LRMDA: variants seen among roughly 807,000 people sequenced by gnomAD.
LRMDA encodes leucine-rich melanocyte differentiation-associated protein.
LRMDA carries 18 observed loss-of-function variants against 29.8 expected under a neutral mutation model. The observed-to-expected ratio is 0.60, with a 90% CI of 0.42 to 0.90. LRMDA has a LOEUF of 0.90. Among genes scored for constraint, LRMDA ranks in the 40% least tolerant of loss-of-function variants. LRMDA has a pLI of 0.00. For synonymous variants in LRMDA, 125 were observed against 109.4 expected (o/e 1.14, Z -0.89); for missense variants, 273 against 273.9 (o/e 1.00, Z 0.02).
intron 2 of LRMDA, among the ~76,000 whole-genome samples, chr10:75,709,556 T>A (rs1381273130): frequency 1.3e-5 from 2 of 152,142 alleles, no homozygotes; most frequent in African/African-American, 4.8e-5. Context: ...TATAAGCCAT[T>A]GGCAGGTGAG....
intron 5 of LRMDA, among the ~76,000 whole-genome samples, chr10:76,179,346 G>T (rs1402289084): frequency 6.6e-6 from 1 of 151,810 alleles, no homozygotes; most frequent in African/African-American, 2.4e-5. Flanking sequence ...CATGTAGCTG[G>T]CCTAATTCTC....
chr10:75,868,486 T>G (rs1425963648), intron 2 of LRMDA, among the ~76,000 whole-genome samples: 2 of 152,176 alleles, frequency 1.3e-5, no homozygotes, highest in Non-Finnish European at 2.9e-5. Context: ...ATGTAAGGCT[T>G]TGGGATTATT....
intron 5 of LRMDA, among the ~76,000 whole-genome samples, chr10:76,143,785 G>A (rs1374698300): frequency 2.0e-5 from 3 of 152,154 alleles, no homozygotes; most frequent in African/African-American, 7.2e-5. Flanking sequence ...TGTCCTGAAT[G>A]GTATTGCCTA....
At chr10:76,050,052 A>C (rs1375060933) in intron 4 of LRMDA, among the ~76,000 whole-genome samples, 2 of 152,222 alleles carry the variant, frequency 1.3e-5, no homozygotes, top group African/African-American at 4.8e-5. Flanking sequence ...AAAAATTCTT[A>C]TTGATTGGCA....
intron 2 of LRMDA, among the ~76,000 whole-genome samples, chr10:75,954,057 G>A (rs539195122): frequency 9.2e-5 from 14 of 152,286 alleles, no homozygotes; most frequent in African/African-American, 2.9e-4. Flanking sequence ...GAGAAGGATC[G>A]GGCAGCTCCT....
intron 2 of LRMDA, among the ~76,000 whole-genome samples, chr10:75,624,170 T>G (rs1242930208): frequency 6.6e-6 from 1 of 152,178 alleles, no homozygotes; most frequent in East Asian, 1.9e-4. Context: ...CAATAACATA[T>G]TATTGGCTCT....
At chr10:76,078,810 G>A (rs1345323726) in intron 5 of LRMDA, among the ~76,000 whole-genome samples, 1 of 152,142 alleles carries the variant, frequency 6.6e-6, no homozygotes, top group African/African-American at 2.4e-5. Context: ...ACTCCAGCCT[G>A]GGCGACAGAG....
intron 2 of LRMDA, among the ~76,000 whole-genome samples, chr10:75,926,018 T>C (rs963532747): frequency 1.3e-5 from 2 of 152,050 alleles, no homozygotes; most frequent in African/African-American, 4.8e-5. Context: ...CCCAGAGAGG[T>C]TAAGTAACTT....
At chr10:76,143,393 G>A (rs1850244703) in intron 5 of LRMDA, among the ~76,000 whole-genome samples, 1 of 152,142 alleles carries the variant, frequency 6.6e-6, no homozygotes, top group Non-Finnish European at 1.5e-5. Context: ...TCTAACTGGT[G>A]TGAGATGATA....
At chr10:76,215,925 C>T (rs1014062651) in intron 5 of LRMDA, among the ~76,000 whole-genome samples, 1 of 152,172 alleles carries the variant, frequency 6.6e-6, no homozygotes, top group Non-Finnish European at 1.5e-5. Context: ...AACAATATGA[C>T]TTGCATAAAT....
intron 2 of LRMDA, among the ~76,000 whole-genome samples, chr10:75,494,846 T>G (rs1845026860): frequency 6.6e-6 from 1 of 152,158 alleles, no homozygotes; most frequent in African/African-American, 2.4e-5. Context: ...GCTGACAGCC[T>G]AGGGCTGATA....
At chr10:76,492,580 C>T (rs962318521) in intron 6 of LRMDA, among the ~76,000 whole-genome samples, 5 of 152,050 alleles carry the variant, frequency 3.3e-5, no homozygotes, top group South Asian at 2.1e-4. Context: ...GCCATCAAAA[C>T]TGGGACTCTG....
chr10:75,564,028 G>A (rs1260564119), intron 2 of LRMDA, among the ~76,000 whole-genome samples: 1 of 152,192 alleles, frequency 6.6e-6, no homozygotes, highest in Non-Finnish European at 1.5e-5. Context: ...CAGATCTCCA[G>A]CTGCGTGCTG....
chr10:76,343,160 A>G (rs80351985), intron 6 of LRMDA, among the ~76,000 whole-genome samples: 16 of 152,322 alleles, frequency 1.1e-4, no homozygotes, highest in East Asian at 7.7e-4. Context: ...GCTGATCCCA[A>G]TGCTATTTAA....
At chr10:75,604,496 C>T (rs76202908) in intron 2 of LRMDA, among the ~76,000 whole-genome samples, 2,593 of 152,262 alleles carry the variant, frequency 0.017, 60 homozygotes, top group African/African-American at 0.059. Context: ...CTAAGAGTTC[C>T]CGGCAACTGT....
At chr10:75,505,479 A>G (rs1391405251) in intron 2 of LRMDA, among the ~76,000 whole-genome samples, 1 of 152,194 alleles carries the variant, frequency 6.6e-6, no homozygotes, top group Non-Finnish European at 1.5e-5. Context: ...GTCACTAAAC[A>G]GAAAACGTGG....
chr10:75,654,099 G>T (rs4498922), intron 2 of LRMDA, among the ~76,000 whole-genome samples: 3 of 151,970 alleles, frequency 2.0e-5, no homozygotes, highest in Non-Finnish European at 2.9e-5. Context: ...GCGGAGGGAT[G>T]GGCTAATGTG....
chr10:76,082,847 A>G (rs1392345558), intron 5 of LRMDA, among the ~76,000 whole-genome samples: 4 of 152,152 alleles, frequency 2.6e-5, no homozygotes, highest in African/African-American at 9.7e-5. Context: ...TCCCGATGAA[A>G]TTCTTGCATA....
intron 6 of LRMDA, among the ~76,000 whole-genome samples, chr10:76,366,680 T>G (rs997009864): frequency 2.0e-5 from 3 of 152,118 alleles, no homozygotes; most frequent in African/African-American, 7.2e-5. Context: ...TCAAGGTAAA[T>G]GATTGTATCG....
Sources: gnomAD v4.1 joint callset for allele counts (sites outside exome capture counted in the v4.1 genomes callset) on GRCh38, gnomAD v4.1.1 for gene constraint, MANE v1.5 for transcripts, NCBI Gene and HGNC (gene_info 2026-07-23, HGNC 2026-07-21) for gene names.